Variants in MFN2 observed in about 807,000 individuals in gnomAD.
The protein encoded by MFN2 is mitofusin-2.
MFN2 carries 43 observed loss-of-function variants against 87.5 expected under a neutral mutation model. The ratio of observed to expected loss-of-function variants is 0.49; its 90% CI spans 0.38 to 0.63. MFN2 has a LOEUF of 0.63. Among genes scored for constraint, MFN2 ranks in the 30% least tolerant of loss-of-function variants. The pLI is 0.00. For missense variants in MFN2, 743 were observed against 972.8 expected (o/e 0.76, Z 3.14); for synonymous variants, 337 against 359.9 (o/e 0.94, Z 0.72).
Position 11,999,096 on chromosome 1 carries a change from G to C in MFN2, c.816+1G>C, listed in dbSNP as rs1639061286. The C allele has an allele frequency of 6.2e-7, 1 of 1,613,920 alleles. No homozygotes were observed. The highest frequency in any genetic ancestry group is 8.5e-7 in the Non-Finnish European group (1 of 1,179,888). On this transcript the variant is annotated splice_donor_variant, in intron 8 of 18. Coordinates refer to ENST00000235329, the MANE Select transcript of MFN2 (RefSeq NM_014874.4). LOFTEE classifies it high-confidence loss of function. ...CTCAGAGCCCGAGTACATGGAGGAG[G>C]TTCGTGCTTCTGTTTGGCAGTTTGG...
chr1:12,008,397 C>T (rs1332655017), intron 17 of MFN2, among the ~76,000 whole-genome samples: 5 of 141,076 alleles, frequency 3.5e-5, no homozygotes, highest in African/African-American at 1.1e-4. Context: ...CCCTCCCGGA[C>T]GGGGTGGCTG....
chr1:11,998,114 C>G (rs1247257671), intron 6 of MFN2, among the ~76,000 whole-genome samples: 1 of 151,266 alleles, frequency 6.6e-6, no homozygotes, highest in Non-Finnish European at 1.5e-5. Flanking sequence ...GAACTGCTGA[C>G]CTCATGATCC....
chr1:11,983,197 C>T (rs115099917), intron 2 of MFN2, among the ~76,000 whole-genome samples: 3,222 of 152,182 alleles, frequency 0.021, 109 homozygotes, highest in African/African-American at 0.073. Context: ...CTCAGCCTCC[C>T]GAGTAGCTGT....
intron 2 of MFN2, among the ~76,000 whole-genome samples, chr1:11,984,828 C>T (rs1638323615): frequency 6.6e-6 from 1 of 152,220 alleles, no homozygotes; most frequent in African/African-American, 2.4e-5. Context: ...AGGGAGGGCA[C>T]AGAAACTACA....
In MFN2 at chr1:12,002,077, C is replaced by G; in HGVS notation, c.1134C>G (p.Ser378=). 1 of 1,614,232 alleles carries G rather than the reference C, an allele frequency of 6.2e-7. No homozygotes were observed. The highest frequency in any genetic ancestry group is 8.5e-7 in the Non-Finnish European group (1 of 1,180,040). Residue 378 remains serine (S), a synonymous_variant, in exon 11 of 19, where the codon TCC becomes TCG. Coordinates refer to ENST00000235329, the MANE Select transcript of MFN2 (RefSeq NM_014874.4). The part of the protein sequence containing the change: ...IAEAVRLIMD[S]LHMAAREQQV... ...AGGCGGTTCGACTCATCATGGACTC[C>G]CTGCACATGGCGGCTCGGGAGCAGC...
chr1:11,996,899 G>A (rs750475634), intron 5 of MFN2, among the ~76,000 whole-genome samples: 2 of 152,226 alleles, frequency 1.3e-5, no homozygotes, highest in Admixed American at 6.5e-5. Flanking sequence ...TTAGCTGGGC[G>A]TGGTGGTAGG....
chr1:12,001,455 G>T lies in MFN2; in HGVS notation c.871G>T (p.Val291Leu). The part of the protein sequence containing the change: ...CTSFLVDELG[V>L]VDRSQAGDRI... ...CAGCTTCCTGGTGGATGAGCTGGGC[G>T]TGGTGGATCGATCCCAGGCCGGGGA... The change falls in exon 9 of 19, where the codon GTG becomes TTG. Residue 291 changes from valine to leucine, a missense_variant. This residue lies in a region of MFN2 where 571 missense variants were observed against 670.7 expected (regional missense o/e 0.85). Coordinates refer to ENST00000235329, the MANE Select transcript of MFN2 (RefSeq NM_014874.4). 6.2e-7 allele frequency: 1 copy of T among 1,614,010 alleles called. No individual in the cohort carries two copies. The highest frequency in any genetic ancestry group is 8.5e-7 in the Non-Finnish European group (1 of 1,179,946).
intron 3 of MFN2, among the ~76,000 whole-genome samples, chr1:11,991,828 G>GC: frequency 1.4e-5 from 2 of 144,996 alleles, no homozygotes. Context: ...GGAGGCTGAG[G>GC]CAGGAGAATG....
intron 4 of MFN2, among the ~76,000 whole-genome samples, chr1:11,994,272 A>G (rs966541502): frequency 1.3e-5 from 2 of 152,164 alleles, no homozygotes; most frequent in African/African-American, 4.8e-5. Context: ...CAATGTACCT[A>G]AAGTACTAGG....
intron 4 of MFN2, among the ~76,000 whole-genome samples, chr1:11,994,322 C>T (rs751348357): frequency 2.0e-5 from 3 of 152,234 alleles, no homozygotes; most frequent in Non-Finnish European, 2.9e-5. Context: ...GGCACGGTGG[C>T]TCACGCCTGT....
intron 14 of MFN2, among the ~76,000 whole-genome samples, chr1:12,005,283 A>C (rs934467335): frequency 6.6e-6 from 1 of 152,182 alleles, no homozygotes; most frequent in Non-Finnish European, 1.5e-5. Flanking sequence ...GGGTTTTGCC[A>C]CGTTGGCCAG....
chr1:11,999,129 A>C (rs760928114), intron 8 of MFN2, 34 bp downstream of exon 8: 1 of 1,580,444 alleles, frequency 6.3e-7, no homozygotes, highest in South Asian at 1.1e-5. Context: ...TGGGGAATGC[A>C]ACCCCGAGGG....
chr1:12,005,629 T>TAG, intron 14 of MFN2, 82 bp from the exon 15 acceptor site: 1 of 1,381,408 alleles, frequency 7.2e-7, no homozygotes, highest in African/African-American at 1.4e-5. Context: ...CAGTAGCTGG[T>TAG]AGAGCCCTGT....
At chr1:12,006,412 T>G in intron 15 of MFN2, 126 bp from the exon 16 acceptor site, 7 of 1,279,138 alleles carry the variant, frequency 5.5e-6, no homozygotes, top group Admixed American at 1.9e-5. Context: ...GTTGTCCCCT[T>G]TTTGCCTTTT....
chr1:12,001,956 T>C (rs1247781742), intron 10 of MFN2, 26 bp from the exon 11 acceptor site: 3 of 1,614,068 alleles, frequency 1.9e-6, no homozygotes, highest in East Asian at 2.2e-5. Flanking sequence ...GGCCCCCACC[T>C]CCCTCCGTGC....
chr1:12,004,472 TC>T lies in MFN2; in HGVS notation c.1288-35del. 1 of 1,584,620 alleles carries T rather than the reference TC, an allele frequency of 6.3e-7. No homozygotes were observed. Among genetic ancestry groups the T allele is most frequent in the South Asian group, 1.1e-5 (1 of 90,484 alleles). On this transcript the variant is annotated intron_variant, in intron 12 of 18. Transcript: ENST00000235329. This position sits in a 1 kb window ranked among gnomAD's most constrained non-coding sequence, Gnocchi z 4.2. Reference sequence around the variant, plus strand: ...GTGCTGCAGGAGTGAACTTTGGTCTTCCTTGATACTTAACAGTGTGCTTCCT... The same window carrying T: ...GTGCTGCAGGAGTGAACTTTGGTCTTCTTGATACTTAACAGTGTGCTTCCT...
intron 17 of MFN2, 84 bp from the exon 18 acceptor site, chr1:12,009,508 C>T (rs1639593946): frequency 6.3e-7 from 1 of 1,589,860 alleles, no homozygotes; most frequent in Non-Finnish European, 8.6e-7. Flanking sequence ...ACAGGCCCAG[C>T]TGCTCCCTAC....
chr1:12,006,070 G>A (rs1275936930), intron 15 of MFN2, 139 bp downstream of exon 15: 8 of 750,636 alleles, frequency 1.1e-5, no homozygotes, highest in Non-Finnish European at 1.8e-5. Context: ...GTACACCACA[G>A]ACAGAATTTT....
intron 2 of MFN2, among the ~76,000 whole-genome samples, chr1:11,987,822 A>G (rs1184536575): frequency 6.6e-6 from 1 of 151,742 alleles, no homozygotes; most frequent in African/African-American, 2.4e-5. Context: ...GTGGTGGTGC[A>G]TGCCTGTGGT....
Sources: gnomAD v4.1 joint callset for allele counts (sites outside exome capture counted in the v4.1 genomes callset) on GRCh38, gnomAD v4.1.1 for gene constraint, gnomAD v4.1.1 regional missense constraint, Gnocchi (gnomAD v3.1) non-coding constraint, MANE v1.5 for transcripts, NCBI Gene and HGNC (gene_info 2026-07-23, HGNC 2026-07-21) for gene names.